The following CDH13 variants were observed in gnomAD, a reference collection of about 807,000 sequenced individuals.
CDH13 encodes cadherin 13, also known as cadherin-13.
CDH13 carries 24 observed loss-of-function variants against 63.8 expected under a neutral mutation model. The ratio of observed to expected loss-of-function variants is 0.38; its 90% confidence interval spans 0.27 to 0.53. The LOEUF (loss-of-function observed/expected upper bound fraction) is 0.53, where lower values mean the gene tolerates loss of function less well. CDH13 is among the 20% of genes least tolerant of loss of function. The pLI is 0.85. For synonymous variants in CDH13, 503 were observed against 355.3 expected, an observed-to-expected ratio of 1.42 and a Z score of -4.67; for missense variants, 1,049 against 903.1, an observed-to-expected ratio of 1.16 and a Z score of -2.07.
At position 83,144,792 on chromosome 16, in the gene CDH13, C is replaced by A. The variant is rs115036800; in HGVS notation, c.483+19291C>A. 3.7e-3 allele frequency among the ~76,000 whole-genome samples: 557 copies of A among 152,332 alleles called. 3 individuals are homozygous for A. The highest frequency in any genetic ancestry group is 0.013 in the African/African-American group (540 of 41,588). On this transcript the variant is annotated intron_variant, in intron 4 of 13. Coordinates refer to ENST00000567109, the MANE Select transcript of CDH13 (RefSeq NM_001257.5). ...AGATTCTGTGAGCAGAAGACTTCAT[C>A]CACCCAGGTGTCTATTTCAAGAACA...
intron 4 of CDH13, among the ~76,000 whole-genome samples, chr16:83,201,797 G>C (rs2039040258): frequency 1.3e-5 from 2 of 151,410 alleles, no homozygotes; most frequent in Non-Finnish European, 2.9e-5. Flanking sequence ...GGTGCCTGTA[G>C]TCCCAGCTAC....
intron 4 of CDH13, among the ~76,000 whole-genome samples, chr16:83,202,245 C>T (rs1175174700): frequency 6.6e-6 from 1 of 152,166 alleles, no homozygotes. Context: ...CCGGGACTGA[C>T]ATAGTGCTAG....
chr16:83,011,846 G>A (rs1268487247), intron 2 of CDH13, among the ~76,000 whole-genome samples: 5 of 152,152 alleles, frequency 3.3e-5, no homozygotes, highest in African/African-American at 1.2e-4. Context: ...GCTCTTTGCT[G>A]GATCTACCTT....
chr16:83,593,217 A>T (rs906498085), intron 7 of CDH13, among the ~76,000 whole-genome samples: 2 of 152,220 alleles, frequency 1.3e-5, no homozygotes, highest in African/African-American at 4.8e-5. Flanking sequence ...AGAGGAAACG[A>T]ATGAATGAAT....
chr16:83,718,633 T>C (rs1909264316), intron 10 of CDH13, among the ~76,000 whole-genome samples: 1 of 152,058 alleles, frequency 6.6e-6, no homozygotes, highest in Admixed American at 6.5e-5. Flanking sequence ...ATATAGTATG[T>C]TAACGAGCAT....
chr16:82,828,371 A>T (rs1160490131), intron 1 of CDH13, among the ~76,000 whole-genome samples: 1 of 152,110 alleles, frequency 6.6e-6, no homozygotes, highest in Non-Finnish European at 1.5e-5. Flanking sequence ...TAATCCCAAG[A>T]CTTTGGGAGG....
chr16:82,943,924 C>A (rs1465612066), intron 2 of CDH13, among the ~76,000 whole-genome samples: 3 of 152,206 alleles, frequency 2.0e-5, no homozygotes, highest in African/African-American at 7.2e-5. Context: ...GCTGACTCTG[C>A]AACCTGTTGA....
intron 2 of CDH13, among the ~76,000 whole-genome samples, chr16:82,916,346 C>A (rs1238364401): frequency 6.6e-6 from 1 of 152,080 alleles, no homozygotes; most frequent in Non-Finnish European, 1.5e-5. Flanking sequence ...GAGGCCGAAG[C>A]GAGTGGATGA....
intron 10 of CDH13, among the ~76,000 whole-genome samples, chr16:83,739,548 G>A (rs1469230985): frequency 1.3e-5 from 2 of 152,104 alleles, no homozygotes; most frequent in African/African-American, 4.8e-5. Context: ...GTGGTCTTCG[G>A]GACCCCCAGC....
At chr16:83,420,286 T>C (rs2071678324) in intron 6 of CDH13, among the ~76,000 whole-genome samples, 3 of 152,024 alleles carry the variant, frequency 2.0e-5, no homozygotes, top group Admixed American at 1.3e-4. Flanking sequence ...TCAACTAAGG[T>C]CAGTGAAAAT....
intron 4 of CDH13, among the ~76,000 whole-genome samples, chr16:83,197,774 TCTCACACA>T (rs1321700721): frequency 2.0e-5 from 3 of 149,358 alleles, no homozygotes; most frequent in Non-Finnish European, 3.0e-5. Context: ...ACACACACAC[TCTCACACA>T]CTCACACACT....
At chr16:83,741,354 T>C (rs995356259) in intron 10 of CDH13, among the ~76,000 whole-genome samples, 1 of 152,140 alleles carries the variant, frequency 6.6e-6, no homozygotes, top group Non-Finnish European at 1.5e-5. Flanking sequence ...TTTCCCTTCT[T>C]TCCTACAGTT....
intron 8 of CDH13, among the ~76,000 whole-genome samples, chr16:83,606,272 A>G (rs954067352): frequency 1.3e-5 from 2 of 152,114 alleles, no homozygotes; most frequent in African/African-American, 4.8e-5. Context: ...GGTTTTTGGG[A>G]ATATATGAGG....
chr16:83,167,499 C>CAAAAAAAAAA (rs11430454), intron 4 of CDH13, among the ~76,000 whole-genome samples: 1 of 99,546 alleles, frequency 1.0e-5, no homozygotes, highest in African/African-American at 4.0e-5. Flanking sequence ...GACCCTTTCC[C>CAAAAAAAAAA]AAAAAAAAAA....
At chr16:82,664,073 C>T (rs761606887) in intron 1 of CDH13, among the ~76,000 whole-genome samples, 5 of 152,222 alleles carry the variant, frequency 3.3e-5, no homozygotes, top group African/African-American at 4.8e-5. Context: ...ATTACTTACT[C>T]GTCCCTACCT....
At chr16:83,148,025 C>G (rs746972376) in intron 4 of CDH13, among the ~76,000 whole-genome samples, 2 of 152,124 alleles carry the variant, frequency 1.3e-5, no homozygotes, top group South Asian at 4.1e-4. Flanking sequence ...CCTCAGCCTC[C>G]TAGGTACAAG....
intron 1 of CDH13, among the ~76,000 whole-genome samples, chr16:82,671,967 C>G (rs955093017): frequency 6.6e-6 from 1 of 152,178 alleles, no homozygotes; most frequent in Non-Finnish European, 1.5e-5. Flanking sequence ...CTGCCCTCCC[C>G]CTCTTGCCCT....
At chr16:82,887,070 C>T (rs2040913175) in intron 2 of CDH13, among the ~76,000 whole-genome samples, 1 of 152,122 alleles carries the variant, frequency 6.6e-6, no homozygotes, top group African/African-American at 2.4e-5. Context: ...TAGAAGCCTC[C>T]TTTTAAATAG....
At chr16:83,012,380 G>GAAGT (rs1313935908) in intron 2 of CDH13, among the ~76,000 whole-genome samples, 1 of 134,352 alleles carries the variant, frequency 7.4e-6, no homozygotes, top group African/African-American at 2.8e-5. Context: ...TTCTTCTAAT[G>GAAGT]AAGTAAGCCC....
Sources: allele counts gnomAD v4.1 joint callset (sites outside exome capture counted in the v4.1 genomes callset), GRCh38; gene constraint gnomAD v4.1.1; transcripts MANE v1.5; gene names NCBI Gene and HGNC (gene_info 2026-07-23, HGNC 2026-07-21).